VPS36: variants seen among roughly 807,000 people sequenced by gnomAD.
The protein encoded by VPS36 is vacuolar protein-sorting-associated protein 36.
Under a neutral mutation model 63.5 loss-of-function variants are expected in VPS36, and 31 were observed. The ratio of observed to expected loss-of-function variants is 0.49; its 90% CI spans 0.37 to 0.66. The LOEUF (loss-of-function observed/expected upper bound fraction) is 0.66. Ranked by LOEUF, VPS36 falls within the 30% of genes least tolerant of loss-of-function variation. The probability of loss-of-function intolerance (pLI) is 0.00; values close to 1 mark genes in which losing one functional copy is unlikely to be tolerated. For missense variants in VPS36, 338 were observed against 463.7 expected (o/e 0.73, Z 2.49); for synonymous variants, 138 against 157.2 (o/e 0.88, Z 0.91).
At chr13:52,429,690 C>A (rs1284133644) in intron 6 of VPS36, among the ~76,000 whole-genome samples, 1 of 152,124 alleles carries the variant, frequency 6.6e-6, no homozygotes, top group Non-Finnish European at 1.5e-5. Flanking sequence ...TATGTAGAAT[C>A]CTTTGAACTA....
At chr13:52,444,417 G>A (rs867130454) in intron 1 of VPS36, among the ~76,000 whole-genome samples, 13 of 151,182 alleles carry the variant, frequency 8.6e-5, no homozygotes, top group East Asian at 1.9e-4. Flanking sequence ...CCGAGATCGC[G>A]CCACTGCACT....
At chr13:52,425,836 C>A in intron 9 of VPS36, 96 bp downstream of exon 9, 1 of 1,280,192 alleles carries the variant, frequency 7.8e-7, no homozygotes, top group Non-Finnish European at 1.0e-6. Context: ...TGACAATAAC[C>A]ATATCATGAA....
At chr13:52,438,951 T>C (rs1041609218) in intron 3 of VPS36, 147 bp downstream of exon 3, 5 of 598,526 alleles carry the variant, frequency 8.4e-6, no homozygotes, top group Non-Finnish European at 1.1e-5. Context: ...GACCCATGTA[T>C]AATAAACAAG....
chr13:52,428,512 A>T (rs759912368), intron 6 of VPS36, among the ~76,000 whole-genome samples: 10 of 152,222 alleles, frequency 6.6e-5, no homozygotes, highest in Non-Finnish European at 1.5e-4. Context: ...CACACACCTA[A>T]CAGGAATTTC....
At chr13:52,430,253 T>A (rs1160880908) in intron 6 of VPS36, among the ~76,000 whole-genome samples, 1 of 151,954 alleles carries the variant, frequency 6.6e-6, no homozygotes, top group Non-Finnish European at 1.5e-5. Flanking sequence ...ATGAAAAGCA[T>A]TAGAGTCACA....
intron 1 of VPS36, among the ~76,000 whole-genome samples, chr13:52,444,481 T>C (rs1958315996): frequency 6.8e-6 from 1 of 147,732 alleles, no homozygotes; most frequent in Admixed American, 6.8e-5. Flanking sequence ...TATATACATT[T>C]TTATATAAAT....
intron 3 of VPS36, among the ~76,000 whole-genome samples, chr13:52,436,973 C>T (rs1218784307): frequency 6.6e-6 from 1 of 151,938 alleles, no homozygotes; most frequent in African/African-American, 2.4e-5. Context: ...CACAAACTAC[C>T]ATTATCTTTA....
rs147913803 is a variant in VPS36, at chr13:52,416,651, T to G, written c.990+406A>C. Among the ~76,000 whole-genome samples the G allele has an allele frequency of 9.0e-4, 137 of 152,324 alleles. 2 individuals carry two copies. The highest frequency in any genetic ancestry group is 7.7e-3 in the Admixed American group (118 of 15,296). On this transcript the variant is annotated intron_variant, in intron 12 of 13. Transcript: ENST00000378060. ...AAAATCCATCTAAACTACAGTTGCT[T>G]TTTATATTTTTTGAAGCAATTATTT...
chr13:52,420,578 C>T (rs1239278831), intron 10 of VPS36, among the ~76,000 whole-genome samples: 1 of 151,950 alleles, frequency 6.6e-6, no homozygotes, highest in Non-Finnish European at 1.5e-5. Context: ...GGCGATCTGC[C>T]TGCCTCAGCC....
At position 52,412,802 on chromosome 13, in the gene VPS36, T is replaced by C. The variant is rs1957960099; in HGVS notation, c.*3028A>G. 6.6e-6 allele frequency: 1 copy of C among 152,230 alleles called. No homozygotes were observed. The highest frequency in any genetic ancestry group is 2.1e-4 in the South Asian group (1 of 4,834). The allele number at this position is 152,230 out of a possible 1,614,324, so 9.4% of individuals were successfully genotyped here. A position where few individuals can be genotyped will look rare whatever the true frequency, so the allele number is the denominator to read the frequency against. ...ACAAACCAGATAAAAACTTCTGCCC[T>C]TGCGCAGCTTATACTCTAGATCGTA... On this transcript the variant is annotated 3_prime_UTR_variant, in exon 14 of 14. Coordinates refer to ENST00000378060, the MANE Select transcript of VPS36 (RefSeq NM_016075.4).
intron 6 of VPS36, among the ~76,000 whole-genome samples, chr13:52,428,855 G>T (rs374065411): frequency 6.6e-6 from 1 of 151,890 alleles, no homozygotes; most frequent in Non-Finnish European, 1.5e-5. Flanking sequence ...AGTCCACAAA[G>T]AATATGTAAA....
At chr13:52,434,617 C>T (rs1182702315) in intron 5 of VPS36, among the ~76,000 whole-genome samples, 176 bp downstream of exon 5, 1 of 152,154 alleles carries the variant, frequency 6.6e-6, no homozygotes, top group Non-Finnish European at 1.5e-5. Flanking sequence ...CTTGGCCTCC[C>T]AAAGTAGTGG....
rs185151941 is a variant in VPS36, at chr13:52,426,257, A to G, written c.640-191T>C. Among the ~76,000 whole-genome samples, 10 of 152,240 alleles carry G rather than the reference A, an allele frequency of 6.6e-5. No individual in the cohort carries two copies. In the East Asian group the frequency reaches 1.9e-3, roughly 29 times the overall value. On this transcript the variant is annotated intron_variant, in intron 8 of 13. Transcript: ENST00000378060. Reference sequence around the variant, plus strand: ...CATACATCTAATTATTCTCCTTCCTACTTCTCTCCTGGTCTCTCATATTCT... The same window carrying G: ...CATACATCTAATTATTCTCCTTCCTGCTTCTCTCCTGGTCTCTCATATTCT...
chr13:52,420,122 T>C (rs1366962220), intron 10 of VPS36, among the ~76,000 whole-genome samples: 1 of 151,310 alleles, frequency 6.6e-6, no homozygotes, highest in Non-Finnish European at 1.5e-5. Context: ...TCGCCTGTAA[T>C]TCCCAGTTAC....
intron 3 of VPS36, among the ~76,000 whole-genome samples, chr13:52,438,464 T>C (rs1423771356): frequency 6.6e-6 from 1 of 152,238 alleles, no homozygotes; most frequent in African/African-American, 2.4e-5. Context: ...TGCCTAATTA[T>C]GCTAAACCTA....
chr13:52,425,136 C>T (rs1356233085), intron 9 of VPS36, among the ~76,000 whole-genome samples: 1 of 150,826 alleles, frequency 6.6e-6, no homozygotes, highest in African/African-American at 2.4e-5. Context: ...ACCTGTAGTC[C>T]AAGCTACTCT....
Position 52,434,316 on chromosome 13 carries a change from G to A in VPS36, c.441+477C>T, listed in dbSNP as rs77193851. 7.4e-3 allele frequency among the ~76,000 whole-genome samples: 1,126 copies of A among 152,230 alleles called. 6 individuals carry two copies. Among genetic ancestry groups the A allele is most frequent in the African/African-American group, 0.017 (703 of 41,542 alleles). The stretch of plus-strand genomic sequence containing the variant: ...AAGCAGTCATTTATGTTTACTAAGC[G>A]TCTGCTGTATAGACAGCACTAAATT... On this transcript the variant is annotated intron_variant, in intron 5 of 13. Coordinates refer to ENST00000378060, the MANE Select transcript of VPS36 (RefSeq NM_016075.4).
At chr13:52,429,407 C>A in intron 6 of VPS36, 1 of 600,450 alleles carries the variant, frequency 1.7e-6, no homozygotes, top group Non-Finnish European at 2.1e-6. Context: ...CTTCCATATT[C>A]CTGCTGCTAG....
At chr13:52,436,792 C>T (rs534592854) in intron 3 of VPS36, among the ~76,000 whole-genome samples, 1 of 152,110 alleles carries the variant, frequency 6.6e-6, no homozygotes, top group Non-Finnish European at 1.5e-5. Context: ...CATTTGAAAA[C>T]AAAATGTGAA....
Sources: gnomAD v4.1 joint callset for allele counts (sites outside exome capture counted in the v4.1 genomes callset) on GRCh38, gnomAD v4.1.1 for gene constraint, MANE v1.5 for transcripts, NCBI Gene and HGNC (gene_info 2026-07-23, HGNC 2026-07-21) for gene names.